SYNJ2: variants seen among roughly 807,000 people sequenced by gnomAD.
The protein encoded by SYNJ2 is synaptojanin 2.
SYNJ2 carries 116 observed loss-of-function variants against 141.3 expected under a neutral mutation model. The ratio of observed to expected loss-of-function variants is 0.82; its 90% CI spans 0.71 to 0.96. The LOEUF (loss-of-function observed/expected upper bound fraction) is 0.96, where lower values mean the gene tolerates loss of function less well. Among genes scored for constraint, SYNJ2 ranks in the 40% least tolerant of loss-of-function variants. SYNJ2 has a pLI of 0.00. For synonymous variants in SYNJ2, 745 were observed against 777.7 expected (o/e 0.96, Z 0.70); for missense variants, 1,873 against 1,934.8 (o/e 0.97, Z 0.60).
intron 5 of SYNJ2, among the ~76,000 whole-genome samples, chr6:158,051,812 C>T (rs1052586040): frequency 7.9e-5 from 12 of 151,120 alleles, no homozygotes; most frequent in Admixed American, 4.0e-4. Flanking sequence ...AAAAAATAGC[C>T]AGGTGTTGTA....
At chr6:158,000,016 G>A (rs1423451754) in intron 1 of SYNJ2, among the ~76,000 whole-genome samples, 2 of 142,282 alleles carry the variant, frequency 1.4e-5, no homozygotes, top group African/African-American at 2.6e-5. Flanking sequence ...GAATCCTGGC[G>A]ATGATGTGAT....
At chr6:157,999,913 A>G (rs1205637963) in intron 1 of SYNJ2, among the ~76,000 whole-genome samples, 2 of 152,150 alleles carry the variant, frequency 1.3e-5, no homozygotes, top group Non-Finnish European at 2.9e-5. Flanking sequence ...AGCCCTGCTC[A>G]GGCCAGTGTT....
rs767387767 is a variant in SYNJ2 at position 158,071,807 on chromosome 6, G to A, written c.2133+13G>A. ...CTGCTTCCCAATGGTGAGCGGCGCC[G>A]TGGGGACAGCCAGCACCTCCCTGCT... On this transcript the variant is annotated intron_variant, in intron 15 of 26. Transcript: ENST00000355585. The surrounding 1 kb of genome is among the most constrained non-coding windows in gnomAD (Gnocchi z 4.3). 41 of 1,610,450 alleles carry A rather than the reference G, an allele frequency of 2.5e-5. 1 individual carries two copies. The South Asian group carries it at 3.4e-4, about 13-fold the overall frequency.
rs748230432 is a variant in SYNJ2, at chr6:158,089,950, A to G, written c.3565+3A>G. 1 of 1,610,518 alleles carries G rather than the reference A, an allele frequency of 6.2e-7. No individual in the cohort carries two copies. The highest frequency in any genetic ancestry group is 1.1e-5 in the South Asian group (1 of 90,984). On this transcript the variant is annotated splice_donor_region_variant and intron_variant, in intron 25 of 26. Transcript: ENST00000355585. ...GTGTCTCCTGGAAGCCAGAGGAGGTAGGTGCTTTCCTGGGGGCAGGGGAAA... is the reference window on the plus strand; with the variant it reads ...GTGTCTCCTGGAAGCCAGAGGAGGTGGGTGCTTTCCTGGGGGCAGGGGAAA...
chr6:158,034,661 G>T (rs1180482353), intron 4 of SYNJ2, among the ~76,000 whole-genome samples: 1 of 152,220 alleles, frequency 6.6e-6, no homozygotes, highest in Non-Finnish European at 1.5e-5. Flanking sequence ...ATTCTGCTCA[G>T]AATGTCTGCA....
chr6:158,031,280 A>G (rs1243477839), intron 3 of SYNJ2, among the ~76,000 whole-genome samples: 1 of 152,174 alleles, frequency 6.6e-6, no homozygotes, highest in Non-Finnish European at 1.5e-5. Context: ...TGGAACCCCT[A>G]GGGGATCCTT....
intron 4 of SYNJ2, 72 bp downstream of exon 4, chr6:158,033,752 C>G: frequency 1.3e-6 from 2 of 1,483,758 alleles, no homozygotes; most frequent in South Asian, 2.5e-5. Context: ...GCGCTTTCCA[C>G]TTGGGGCAGA....
chr6:157,984,661 C>T (rs1240613976), intron 1 of SYNJ2, among the ~76,000 whole-genome samples: 1 of 152,208 alleles, frequency 6.6e-6, no homozygotes, highest in Non-Finnish European at 1.5e-5. Context: ...GCTTTGGCCT[C>T]CCAAAGTGCT....
intron 5 of SYNJ2, among the ~76,000 whole-genome samples, chr6:158,053,570 T>G (rs1470213533): frequency 3.3e-5 from 5 of 150,984 alleles, no homozygotes; most frequent in Admixed American, 3.3e-4. Flanking sequence ...CATCCATTCA[T>G]CCACTCATTC....
intron 1 of SYNJ2, among the ~76,000 whole-genome samples, chr6:158,005,640 G>A (rs1206568802): frequency 6.6e-6 from 1 of 152,032 alleles, no homozygotes; most frequent in Non-Finnish European, 1.5e-5. Context: ...CGGGCAGAGC[G>A]TACCATCAGG....
chr6:158,059,463 C>G lies in SYNJ2; in HGVS notation c.954+110C>G, dbSNP rs111984087. On this transcript the variant is annotated intron_variant, in intron 7 of 26. Transcript: ENST00000355585. ...GGACTGGAGCTGACAGCCCAGCCCT[C>G]CTTCGTTTCCTGAGGCTTCCCCAGC... The G allele has an allele frequency of 1.3e-4, 198 of 1,496,084 alleles. 2 individuals carry two copies. The African/African-American group carries it at 2.0e-3, about 15-fold the overall frequency. 92.7% of individuals were successfully genotyped at this position (1,496,084 alleles called of 1,614,324 possible). A position where few individuals can be genotyped will look rare whatever the true frequency, so the allele number is the denominator to read the frequency against.
chr6:158,055,488 C>A (rs538833992), intron 6 of SYNJ2, among the ~76,000 whole-genome samples: 42 of 148,770 alleles, frequency 2.8e-4, no homozygotes, highest in Non-Finnish European at 5.0e-4. Context: ...TTCTAGAAAA[C>A]AATTTTGGCA....
chr6:158,089,701 G>T (rs1416514792), intron 24 of SYNJ2, 138 bp from the exon 25 acceptor site: 6 of 593,116 alleles, frequency 1.0e-5, no homozygotes, highest in African/African-American at 7.4e-5. Flanking sequence ...AGGATTGCAG[G>T]GTGTGGTGGA....
intron 1 of SYNJ2, among the ~76,000 whole-genome samples, chr6:157,993,797 GTTTTTTTTTTTTTTTTT>G (rs61529071): frequency 6.3e-5 from 3 of 47,966 alleles, no homozygotes; most frequent in Admixed American, 3.9e-4. Context: ...AAATGTGTGG[GTTTTTTTTTTTTTTTTT>G]TTTTTTTTTT....
At chr6:158,051,398 C>T (rs1267302889) in intron 5 of SYNJ2, among the ~76,000 whole-genome samples, 1 of 151,922 alleles carries the variant, frequency 6.6e-6, no homozygotes, top group Non-Finnish European at 1.5e-5. Context: ...ATGGAGCAGG[C>T]CTCTCGGTAG....
At chr6:158,029,193 A>C (rs569293474) in intron 3 of SYNJ2, 167 bp downstream of exon 3, 1 of 882,226 alleles carries the variant, frequency 1.1e-6, no homozygotes, top group South Asian at 1.9e-5. Context: ...GAGGAAAACT[A>C]ACCCTGAACT....
chr6:157,987,148 G>A (rs369769644), intron 1 of SYNJ2, among the ~76,000 whole-genome samples: 9 of 151,872 alleles, frequency 5.9e-5, no homozygotes, highest in Non-Finnish European at 1.2e-4. Context: ...TACCATGCCC[G>A]GCTAATTTTT....
At chr6:157,993,752 C>A (rs73014141) in intron 1 of SYNJ2, among the ~76,000 whole-genome samples, 4,590 of 59,900 alleles carry the variant, frequency 0.077, 241 homozygotes, top group East Asian at 0.27. Context: ...CCTGGACTGT[C>A]ATTTGGCTAG....
intron 24 of SYNJ2, among the ~76,000 whole-genome samples, 178 bp from the exon 25 acceptor site, chr6:158,089,661 C>T (rs1783303162): frequency 1.3e-5 from 2 of 152,104 alleles, no homozygotes; most frequent in South Asian, 2.1e-4. Context: ...TAGTATGGCA[C>T]TCTTGGAAAG....
Sources: gnomAD v4.1 joint callset for allele counts (sites outside exome capture counted in the v4.1 genomes callset) on GRCh38, gnomAD v4.1.1 for gene constraint, Gnocchi (gnomAD v3.1) non-coding constraint, MANE v1.5 for transcripts, NCBI Gene and HGNC (gene_info 2026-07-23, HGNC 2026-07-21) for gene names.